GALNT13: variants seen among roughly 807,000 people sequenced by gnomAD.
GALNT13 encodes the protein polypeptide N-acetylgalactosaminyltransferase 13, also known as UDP-GalNAc:polypeptide N-acetylgalactosaminyltransferase 13.
A neutral mutation model predicts 64.2 loss-of-function variants in GALNT13; 28 were observed. The observed-to-expected ratio is 0.44, with a 90% CI of 0.32 to 0.60. The LOEUF is 0.60. Among genes scored for constraint, GALNT13 ranks in the 20% least tolerant of loss-of-function variants. The pLI is 0.05. For synonymous variants in GALNT13, 214 were observed against 224.6 expected, an observed-to-expected ratio of 0.95 and a Z score of 0.42; for missense variants, 577 against 669.8, an observed-to-expected ratio of 0.86 and a Z score of 1.53.
At chr2:153,228,859 G>A in the GALNT13 span, among the ~76,000 whole-genome samples, 2 of 121,546 alleles carry the variant, frequency 1.6e-5, no homozygotes, top group Non-Finnish European at 3.3e-5. Flanking sequence ...GTGACAGAGC[G>A]AGACTGTCTC....
chr2:154,272,831 T>C (rs1221118495), intron 8 of GALNT13, among the ~76,000 whole-genome samples: 1 of 152,156 alleles, frequency 6.6e-6, no homozygotes, highest in Non-Finnish European at 1.5e-5. Flanking sequence ...TAGCTATTTA[T>C]TTTACAAATT....
intron 4 of GALNT13, among the ~76,000 whole-genome samples, chr2:154,169,082 C>T (rs1685200974): frequency 6.6e-6 from 1 of 151,952 alleles, no homozygotes; most frequent in Non-Finnish European, 1.5e-5. Context: ...AACCTGTTCT[C>T]TCAGGAACTG....
At chr2:153,975,046 G>A (rs1693988169) in intron 3 of GALNT13, among the ~76,000 whole-genome samples, 1 of 151,994 alleles carries the variant, frequency 6.6e-6, no homozygotes, top group Admixed American at 6.6e-5. Flanking sequence ...TGTCTTTGTT[G>A]TTTTCTTTGT....
At chr2:153,490,040 C>T in the GALNT13 span, among the ~76,000 whole-genome samples, 1 of 151,868 alleles carries the variant, frequency 6.6e-6, no homozygotes, top group Non-Finnish European at 1.5e-5. Flanking sequence ...GGGGCAGCTT[C>T]AGCAATGCAA....
rs557711276 is a variant in GALNT13 at position 154,066,800 on chromosome 2, C to A, written c.143-73537C>A. On this transcript the variant is annotated intron_variant, in intron 3 of 12. Coordinates refer to ENST00000392825, the MANE Select transcript of GALNT13 (RefSeq NM_052917.4). ...AAAAAAATCATCTGAAGATATAAAA[C>A]TCACTGGTAATAGTAAGCACACAGA... Among the ~76,000 whole-genome samples the A allele has an allele frequency of 5.7e-4, 86 of 152,122 alleles. 1 individual carries two copies. In the South Asian group the frequency reaches 0.017, roughly 30 times the overall value.
chr2:154,417,575 A>G (rs1423905997), intron 11 of GALNT13, among the ~76,000 whole-genome samples: 9 of 149,690 alleles, frequency 6.0e-5, no homozygotes, highest in African/African-American at 2.2e-4. Flanking sequence ...CAGTGACACA[A>G]TTTTGGCTCA....
chr2:153,088,082 G>A, the GALNT13 span, among the ~76,000 whole-genome samples: 12 of 151,846 alleles, frequency 7.9e-5, no homozygotes, highest in East Asian at 2.3e-3. Context: ...TGCTCTTTCA[G>A]ACTTTTTGTG....
chr2:154,202,424 G>A (rs553858799), intron 4 of GALNT13, among the ~76,000 whole-genome samples: 13 of 152,158 alleles, frequency 8.5e-5, no homozygotes, highest in African/African-American at 2.4e-4. Flanking sequence ...CATGAATGGA[G>A]GTAGCATTTT....
chr2:153,304,763 G>A, the GALNT13 span, among the ~76,000 whole-genome samples: 1 of 152,160 alleles, frequency 6.6e-6, no homozygotes, highest in Non-Finnish European at 1.5e-5. Context: ...GGTTTCATGT[G>A]TACTCCAGCC....
intron 1 of GALNT13, among the ~76,000 whole-genome samples, chr2:153,894,123 C>T (rs1687737720): frequency 6.6e-6 from 1 of 151,956 alleles, no homozygotes; most frequent in Non-Finnish European, 1.5e-5. Context: ...ACACTCTTCA[C>T]GTTGGCTGGT....
At chr2:153,706,114 A>T in the GALNT13 span, among the ~76,000 whole-genome samples, 10 of 152,080 alleles carry the variant, frequency 6.6e-5, no homozygotes, top group African/African-American at 2.4e-4. Flanking sequence ...CTCCTGCCTC[A>T]GCCTCCACAT....
chr2:153,307,638 A>G, the GALNT13 span, among the ~76,000 whole-genome samples: 1 of 152,146 alleles, frequency 6.6e-6, no homozygotes, highest in Non-Finnish European at 1.5e-5. Flanking sequence ...CTATGCTACA[A>G]TTTATATAGA....
chr2:153,988,099 CAT>C (rs1290385835), intron 3 of GALNT13, among the ~76,000 whole-genome samples: 12 of 148,070 alleles, frequency 8.1e-5, no homozygotes, highest in Admixed American at 2.0e-4. Flanking sequence ...CACACACACA[CAT>C]ATACAATTTA....
At chr2:154,405,447 T>C (rs552339571) in intron 10 of GALNT13, among the ~76,000 whole-genome samples, 60 of 151,800 alleles carry the variant, frequency 4.0e-4, no homozygotes, top group African/African-American at 1.4e-3. Flanking sequence ...TGAAATAAAA[T>C]GAACATTAAT....
chr2:153,243,279 A>C, the GALNT13 span, among the ~76,000 whole-genome samples: 1 of 152,172 alleles, frequency 6.6e-6, no homozygotes, highest in Admixed American at 6.5e-5. Context: ...TGGGGGATCC[A>C]GGATCCAGGA....
intron 3 of GALNT13, among the ~76,000 whole-genome samples, chr2:154,124,572 A>G (rs1682145596): frequency 6.6e-6 from 1 of 152,042 alleles, no homozygotes; most frequent in South Asian, 2.1e-4. Context: ...TATTCTAACC[A>G]AGAAAAGTCA....
At chr2:153,860,356 T>A in the GALNT13 span, among the ~76,000 whole-genome samples, 1 of 152,234 alleles carries the variant, frequency 6.6e-6, no homozygotes, top group Non-Finnish European at 1.5e-5. Context: ...TCCTTGTACT[T>A]GCCCTAGTGA....
At chr2:154,311,358 G>A (rs1230096577) in intron 9 of GALNT13, among the ~76,000 whole-genome samples, 4 of 152,006 alleles carry the variant, frequency 2.6e-5, no homozygotes. Flanking sequence ...TTTAAAGCTG[G>A]GCGTCCAGGG....
intron 3 of GALNT13, among the ~76,000 whole-genome samples, chr2:154,137,326 C>T (rs1683014028): frequency 1.3e-5 from 2 of 151,788 alleles, no homozygotes; most frequent in Non-Finnish European, 2.9e-5. Flanking sequence ...CACACACACA[C>T]ATTTTAAAAA....
Sources: gnomAD v4.1 joint callset for allele counts (sites outside exome capture counted in the v4.1 genomes callset) on GRCh38, gnomAD v4.1.1 for gene constraint, MANE v1.5 for transcripts, NCBI Gene and HGNC (gene_info 2026-07-23, HGNC 2026-07-21) for gene names.